The following ASTN2 variants were observed in gnomAD, a reference collection of about 807,000 sequenced individuals.
The protein encoded by ASTN2 is astrotactin-2.
ASTN2 carries 54 observed loss-of-function variants against 139.8 expected under a neutral mutation model. That is an observed-to-expected ratio of 0.39 (90% CI 0.31 to 0.48). The LOEUF is 0.48. ASTN2 is among the 20% of genes least tolerant of loss of function. ASTN2 has a pLI of 0.95. For missense variants in ASTN2, 1,565 were observed against 1,725.1 expected, an observed-to-expected ratio of 0.91 and a Z score of 1.64; for synonymous variants, 756 against 719.5, an observed-to-expected ratio of 1.05 and a Z score of -0.81.
At chr9:117,208,004 ATAAG>A (rs1831994331) in intron 3 of ASTN2, among the ~76,000 whole-genome samples, 1 of 152,232 alleles carries the variant, frequency 6.6e-6, no homozygotes, top group East Asian at 1.9e-4. Context: ...AGTTATACAA[ATAAG>A]TCTTTCCTTA....
chr9:116,836,576 G>GTTTTC (rs1832000376), intron 11 of ASTN2, among the ~76,000 whole-genome samples: 1 of 61,778 alleles, frequency 1.6e-5, no homozygotes, highest in Non-Finnish European at 3.9e-5. Flanking sequence ...GAGCAGTTTT[G>GTTTTC]TTTTGTTTTG....
chr9:117,349,802 T>C (rs1488162473), intron 1 of ASTN2, among the ~76,000 whole-genome samples: 2 of 152,202 alleles, frequency 1.3e-5, no homozygotes, highest in South Asian at 2.1e-4. Flanking sequence ...CTCCCTGATA[T>C]GATATGATAC....
chr9:116,706,855 T>G (rs1301655774), intron 16 of ASTN2, among the ~76,000 whole-genome samples: 1 of 150,760 alleles, frequency 6.6e-6, no homozygotes, highest in Non-Finnish European at 1.5e-5. Context: ...TTACCAAGCT[T>G]CTGTTATAGA....
At chr9:116,958,834 G>A (rs150890725) in intron 10 of ASTN2, among the ~76,000 whole-genome samples, 1 of 152,260 alleles carries the variant, frequency 6.6e-6, no homozygotes, top group East Asian at 1.9e-4. Context: ...GCAGGTGCAA[G>A]CAGGGGGCAT....
At chr9:117,322,273 G>T (rs966076782) in intron 1 of ASTN2, among the ~76,000 whole-genome samples, 9 of 152,144 alleles carry the variant, frequency 5.9e-5, no homozygotes, top group Non-Finnish European at 1.2e-4. Context: ...TGAGGGGAAG[G>T]TCTCTTCTTC....
At chr9:117,280,976 A>G (rs1388322558) in intron 2 of ASTN2, among the ~76,000 whole-genome samples, 1 of 152,104 alleles carries the variant, frequency 6.6e-6, no homozygotes, top group Non-Finnish European at 1.5e-5. Context: ...TTCCTTCTAC[A>G]TTTATTAACT....
intron 19 of ASTN2, among the ~76,000 whole-genome samples, chr9:116,591,659 T>A (rs1172300745): frequency 6.6e-6 from 1 of 152,224 alleles, no homozygotes; most frequent in East Asian, 1.9e-4. Context: ...GGATAACTTT[T>A]TTAATGCATA....
chr9:116,945,076 C>T (rs974829910), intron 10 of ASTN2, among the ~76,000 whole-genome samples: 1 of 152,120 alleles, frequency 6.6e-6, no homozygotes, highest in East Asian at 1.9e-4. Flanking sequence ...AAAATGACTC[C>T]GTTCAAGGTC....
At chr9:116,948,261 T>C (rs1043016083) in intron 10 of ASTN2, among the ~76,000 whole-genome samples, 1 of 152,232 alleles carries the variant, frequency 6.6e-6, no homozygotes, top group African/African-American at 2.4e-5. Flanking sequence ...TTTGAAATTA[T>C]GTAAATATCT....
At chr9:116,746,132 G>C (rs1458478479) in intron 13 of ASTN2, among the ~76,000 whole-genome samples, 1 of 149,686 alleles carries the variant, frequency 6.7e-6, no homozygotes, top group Non-Finnish European at 1.5e-5. Context: ...TGTCACCCAG[G>C]CTGGAGTGTA....
chr9:116,620,593 C>T, intron 17 of ASTN2, 150 bp from the exon 18 acceptor site: 1 of 996,134 alleles, frequency 1.0e-6, no homozygotes. Flanking sequence ...GTTCCTTGCA[C>T]TCTACTATCA....
At chr9:117,119,789 C>T (rs1350513868) in intron 4 of ASTN2, among the ~76,000 whole-genome samples, 3 of 151,790 alleles carry the variant, frequency 2.0e-5, no homozygotes, top group Admixed American at 1.3e-4. Context: ...CCCAATGTGA[C>T]ACAATGTGAC....
intron 4 of ASTN2, among the ~76,000 whole-genome samples, chr9:117,098,858 A>G (rs1828901968): frequency 6.6e-6 from 1 of 152,088 alleles, no homozygotes; most frequent in South Asian, 2.1e-4. Flanking sequence ...CTGTAATCCC[A>G]GCACTTTGGG....
At chr9:117,177,219 G>A (rs1411711011) in intron 3 of ASTN2, among the ~76,000 whole-genome samples, 1 of 152,160 alleles carries the variant, frequency 6.6e-6, no homozygotes, top group Admixed American at 6.5e-5. Flanking sequence ...AACAGTACCT[G>A]TATAGGCCAA....
At chr9:116,492,099 T>G (rs1849533893) in intron 19 of ASTN2, among the ~76,000 whole-genome samples, 3 of 151,318 alleles carry the variant, frequency 2.0e-5, no homozygotes, top group Non-Finnish European at 2.9e-5. Context: ...TTTTTTTTTT[T>G]GAGAAAAAGT....
chr9:117,278,224 G>A (rs1190062330), intron 2 of ASTN2, among the ~76,000 whole-genome samples: 1 of 152,160 alleles, frequency 6.6e-6, no homozygotes, highest in African/African-American at 2.4e-5. Context: ...TGAGGAGAAC[G>A]TTCCAATTTA....
chr9:117,168,834 T>C (rs556275462), intron 3 of ASTN2, among the ~76,000 whole-genome samples: 79 of 152,312 alleles, frequency 5.2e-4, no homozygotes, highest in Non-Finnish European at 1.9e-4. Context: ...TTATTGCAGT[T>C]TGTTTTTTTC....
At chr9:116,687,480 C>T (rs928289740) in intron 16 of ASTN2, 2 of 148,778 alleles carry the variant, frequency 1.3e-5, no homozygotes, top group African/African-American at 2.6e-5. Flanking sequence ...CGTGCAGCGG[C>T]CGCGCCCGAA....
At chr9:116,957,142 G>T (rs1835732388) in intron 10 of ASTN2, among the ~76,000 whole-genome samples, 1 of 149,862 alleles carries the variant, frequency 6.7e-6, no homozygotes, top group Non-Finnish European at 1.5e-5. Flanking sequence ...CTTGAAAGTT[G>T]CAGTACTCGC....
Sources: gnomAD v4.1 joint callset for allele counts (sites outside exome capture counted in the v4.1 genomes callset) on GRCh38, gnomAD v4.1.1 for gene constraint, MANE v1.5 for transcripts, NCBI Gene and HGNC (gene_info 2026-07-23, HGNC 2026-07-21) for gene names.